Variants in SLC49A4 observed in about 807,000 individuals in gnomAD.
The protein encoded by SLC49A4 is solute carrier family 49 member 4.
Under a neutral mutation model 50.6 loss-of-function variants are expected in SLC49A4, and 36 were observed. The ratio of observed to expected loss-of-function variants is 0.71; its 90% CI spans 0.55 to 0.94. SLC49A4 has a LOEUF of 0.94. Ranked by LOEUF, SLC49A4 falls within the 40% of genes least tolerant of loss-of-function variation. SLC49A4 has a pLI of 0.00. For missense variants in SLC49A4, 503 were observed against 605.7 expected (o/e 0.83, Z 1.78); for synonymous variants, 248 against 241.2 (o/e 1.03, Z -0.26).
At chr3:122,799,951 C>T (rs1288977814) in intron 1 of SLC49A4, among the ~76,000 whole-genome samples, 2 of 151,952 alleles carry the variant, frequency 1.3e-5, no homozygotes, top group Admixed American at 1.3e-4. Context: ...GAGCAGATGG[C>T]GTGGAGATGA....
intron 1 of SLC49A4, among the ~76,000 whole-genome samples, chr3:122,802,087 G>C (rs1228942187): frequency 6.6e-6 from 1 of 152,152 alleles, no homozygotes; most frequent in Non-Finnish European, 1.5e-5. Context: ...TGAGAAAGGA[G>C]GATCACTTCA....
At chr3:122,826,095 C>G (rs1348269473) in intron 2 of SLC49A4, among the ~76,000 whole-genome samples, 2 of 152,236 alleles carry the variant, frequency 1.3e-5, no homozygotes, top group Admixed American at 1.3e-4. Context: ...TCAACTTCAG[C>G]TGATCTCCTC....
chr3:122,851,275 T>G (rs934242528), intron 5 of SLC49A4, among the ~76,000 whole-genome samples: 1 of 152,230 alleles, frequency 6.6e-6, no homozygotes, highest in Non-Finnish European at 1.5e-5. Context: ...TTCTTCTATC[T>G]AAAGAGCACC....
rs534589242 is a variant in SLC49A4 at position 122,870,012 on chromosome 3, A to G, written c.1139-2403A>G. ...TAGTTCCCTTTCAGTGTGTTATTATATTTTCATTATTTTATCACATAGAAT... is the reference window on the plus strand; with the variant it reads ...TAGTTCCCTTTCAGTGTGTTATTATGTTTTCATTATTTTATCACATAGAAT... On this transcript the variant is annotated intron_variant, in intron 7 of 8. Coordinates refer to ENST00000261038, the MANE Select transcript of SLC49A4 (RefSeq NM_032839.3). Among the ~76,000 whole-genome samples, 12 of 146,918 alleles carry G rather than the reference A, an allele frequency of 8.2e-5. No individual in the cohort carries two copies. The South Asian group carries it at 2.2e-3, about 27-fold the overall frequency.
In SLC49A4 at chr3:122,872,607, T is replaced by C. The variant is rs769429851; in HGVS notation, c.1321+10T>C. The C allele has an allele frequency of 6.4e-7, 1 of 1,558,764 alleles. No homozygotes were observed. The highest frequency in any genetic ancestry group is 2.2e-5 in the East Asian group (1 of 44,498). On this transcript the variant is annotated intron_variant, in intron 8 of 8. Coordinates refer to ENST00000261038, the MANE Select transcript of SLC49A4 (RefSeq NM_032839.3). ...ACATTTTATCATACAGGTAAGAAAT[T>C]TGATTTTTTATTTACTATCTAAATG...
chr3:122,848,020 C>G (rs889666483), intron 5 of SLC49A4, among the ~76,000 whole-genome samples: 1 of 152,152 alleles, frequency 6.6e-6, no homozygotes, highest in Non-Finnish European at 1.5e-5. Flanking sequence ...TTTTCAAGTG[C>G]GGGATAGCCA....
intron 8 of SLC49A4, among the ~76,000 whole-genome samples, chr3:122,878,266 T>G (rs1171176697): frequency 6.6e-6 from 1 of 152,226 alleles, no homozygotes; most frequent in African/African-American, 2.4e-5. Context: ...CTTATTTTCC[T>G]TGTTTATTTT....
rs753490023 is a variant in SLC49A4, at chr3:122,879,309, T to C, written c.1368T>C (p.Ser456=). 6.8e-5 allele frequency: 109 copies of C among 1,613,968 alleles called. No individual in the cohort carries two copies. Among genetic ancestry groups the C allele is most frequent in the Non-Finnish European group, 8.6e-5 (101 of 1,179,952 alleles). Reference sequence around the variant, plus strand: ...GCCTTCCCGGGTCGTGTTTGCTCAGTCTCCTCCTCATTCTGTGCTTCAGGG... The same window carrying C: ...GCCTTCCCGGGTCGTGTTTGCTCAGCCTCCTCCTCATTCTGTGCTTCAGGG... ...NWCLPGSCLL[S]LLLILCFRES... Residue 456 remains serine (S), a synonymous_variant, in exon 9 of 9, where the codon AGT becomes AGC. Transcript: ENST00000261038.
chr3:122,795,281 G>T lies in SLC49A4; in HGVS notation c.89G>T (p.Arg30Leu). Reference sequence around the variant, plus strand: ...GGGCTGGGGGCCTCCTGGAGAAGCCGGGAGGCGGCGGCGGCGGCGCTGCCC... The same window carrying T: ...GGGCTGGGGGCCTCCTGGAGAAGCCTGGAGGCGGCGGCGGCGGCGCTGCCC... Reference protein sequence around the residue: ...GPGLGASWRSREAAAAALPAA... With the variant: ...GPGLGASWRSLEAAAAALPAA... Residue 30 changes from arginine (R) to leucine (L), a missense_variant, in exon 1 of 9, where the codon CGG becomes CTG. Physicochemically the swap from Arg to Leu is moderately radical, Grantham distance 102 (BLOSUM62 -2). Transcript: ENST00000261038. The T allele has an allele frequency of 7.1e-7, 1 of 1,414,354 alleles. No homozygotes were observed. Among genetic ancestry groups the T allele is most frequent in the Non-Finnish European group, 9.1e-7 (1 of 1,097,314 alleles). 87.6% of individuals were successfully genotyped at this position (1,414,354 alleles called of 1,614,324 possible). A position where few individuals can be genotyped will look rare whatever the true frequency, so the allele number is the denominator to read the frequency against.
At chr3:122,813,985 A>G (rs1243374931) in intron 2 of SLC49A4, among the ~76,000 whole-genome samples, 1 of 152,212 alleles carries the variant, frequency 6.6e-6, no homozygotes, top group Non-Finnish European at 1.5e-5. Flanking sequence ...CCCAAGCATA[A>G]AAACAATGAA....
In SLC49A4 at chr3:122,860,056, AGAGC is replaced by A. The variant is rs1937038944; in HGVS notation, c.1011-18_1011-15del. The A allele has an allele frequency of 1.2e-5, 19 of 1,595,354 alleles. No individual in the cohort carries two copies. Among genetic ancestry groups the A allele is most frequent in the Non-Finnish European group, 1.6e-5 (19 of 1,171,816 alleles). On this transcript the variant is annotated splice_polypyrimidine_tract_variant and intron_variant, in intron 6 of 8. Transcript: ENST00000261038. Reference sequence around the variant, plus strand: ...ATTTTTAAATCCCACTAGAATTAATAGAGCATTTTTGTTTTTAGGTTTGCAGATT... The same window carrying A: ...ATTTTTAAATCCCACTAGAATTAATAATTTTTGTTTTTAGGTTTGCAGATT...
chr3:122,812,502 A>G (rs1264843855), intron 2 of SLC49A4, among the ~76,000 whole-genome samples: 1 of 152,240 alleles, frequency 6.6e-6, no homozygotes, highest in Non-Finnish European at 1.5e-5. Flanking sequence ...TTTCCTGCTT[A>G]TTAAAATACA....
At chr3:122,856,162 A>G (rs1576307849) in intron 5 of SLC49A4, 145 bp from the exon 6 acceptor site, 1 of 660,166 alleles carries the variant, frequency 1.5e-6, no homozygotes, top group Non-Finnish European at 2.6e-6. Flanking sequence ...CATATTTTAG[A>G]TGTTTGTATA....
intron 5 of SLC49A4, among the ~76,000 whole-genome samples, chr3:122,848,099 G>A (rs62261687): frequency 0.27 from 40,869 of 152,080 alleles, 6,967 homozygotes; most frequent in Non-Finnish European, 0.39. Flanking sequence ...AGAAAGTTCT[G>A]TTGGACAGTG....
intron 7 of SLC49A4, among the ~76,000 whole-genome samples, chr3:122,867,963 A>C (rs1020976794): frequency 6.6e-6 from 1 of 152,142 alleles, no homozygotes; most frequent in African/African-American, 2.4e-5. Flanking sequence ...AGAATACAAA[A>C]AATTAGCCGG....
intron 3 of SLC49A4, among the ~76,000 whole-genome samples, chr3:122,827,959 G>T (rs1325709651): frequency 6.6e-6 from 1 of 152,224 alleles, no homozygotes; most frequent in African/African-American, 2.4e-5. Flanking sequence ...AACAGTAACT[G>T]CAAAGGCAGG....
intron 5 of SLC49A4, among the ~76,000 whole-genome samples, chr3:122,846,877 C>A (rs1261937719): frequency 6.6e-6 from 1 of 152,166 alleles, no homozygotes; most frequent in East Asian, 1.9e-4. Flanking sequence ...AAGAAGAGGG[C>A]TGTGCAGAAG....
At chr3:122,828,250 G>T (rs1936562234) in intron 3 of SLC49A4, among the ~76,000 whole-genome samples, 1 of 152,174 alleles carries the variant, frequency 6.6e-6, no homozygotes, top group Non-Finnish European at 1.5e-5. Context: ...GGTACAGACA[G>T]GTAAACAATT....
chr3:122,878,987 G>A (rs1937300103), intron 8 of SLC49A4, among the ~76,000 whole-genome samples: 1 of 152,082 alleles, frequency 6.6e-6, no homozygotes, highest in African/African-American at 2.4e-5. Flanking sequence ...TTTCTTTGAA[G>A]TAATTTATTT....
Sources: gnomAD v4.1 joint callset for allele counts (sites outside exome capture counted in the v4.1 genomes callset) on GRCh38, gnomAD v4.1.1 for gene constraint, MANE v1.5 for transcripts, NCBI Gene and HGNC (gene_info 2026-07-23, HGNC 2026-07-21) for gene names.